ASAP2: variants seen among roughly 807,000 people sequenced by gnomAD.
The protein encoded by ASAP2 is arf-GAP with SH3 domain, ANK repeat and PH domain-containing protein 2.
Under a neutral mutation model 131.4 loss-of-function variants are expected in ASAP2, and 45 were observed. That is an observed-to-expected ratio of 0.34 (90% CI 0.27 to 0.44). ASAP2 has a LOEUF of 0.44. Among genes scored for constraint, ASAP2 ranks in the 20% least tolerant of loss-of-function variants. The pLI, the probability that ASAP2 is intolerant of heterozygous loss-of-function variation, is 1.00. For synonymous variants in ASAP2, 510 were observed against 503.0 expected (o/e 1.01, Z -0.19); for missense variants, 1,011 against 1,297.0 (o/e 0.78, Z 3.39).
At chr2:9,306,411 ACTTT>A (rs1668945712) in intron 3 of ASAP2, among the ~76,000 whole-genome samples, 1 of 151,852 alleles carries the variant, frequency 6.6e-6, no homozygotes, top group South Asian at 2.1e-4. Context: ...CGTTTCCCAG[ACTTT>A]CTTAAAGGCA....
rs75701656 is a variant in ASAP2 at position 9,388,520 on chromosome 2, C to G, written c.2357C>G (p.Pro786Arg). Reference protein sequence around the residue: ...PAAPSTTSAPPLPPRNVGKVQ... With the variant: ...PAAPSTTSAPRLPPRNVGKVQ... Reference sequence around the variant, plus strand: ...GCCCCCAGCACCACCAGCGCCCCCCCGCTTCCTCCACGGAATGTTGGCAAA... The same window carrying G: ...GCCCCCAGCACCACCAGCGCCCCCCGGCTTCCTCCACGGAATGTTGGCAAA... The change falls in exon 22 of 28, where the codon CCG becomes CGG. Residue 786 changes from proline to arginine, a missense_variant. Pro to Arg is a moderately radical substitution (Grantham distance 103). Around this residue, in one of 2 missense-constraint regions of ASAP2, gnomAD observed 652 missense variants for 698.9 expected, o/e 0.93. Transcript: ENST00000281419. 31 of 1,613,324 alleles carry G rather than the reference C, an allele frequency of 1.9e-5. No individual in the cohort carries two copies. Among genetic ancestry groups the G allele is most frequent in the African/African-American group, 2.7e-5 (2 of 74,906 alleles).
At chr2:9,254,229 A>T (rs1456134822) in intron 1 of ASAP2, among the ~76,000 whole-genome samples, 1 of 106,018 alleles carries the variant, frequency 9.4e-6, no homozygotes, top group Non-Finnish European at 1.9e-5. Context: ...AAAAAAAAAA[A>T]AAAAAAAATA....
chr2:9,225,904 T>C (rs1157371113), intron 1 of ASAP2, among the ~76,000 whole-genome samples: 4 of 152,226 alleles, frequency 2.6e-5, no homozygotes, highest in Non-Finnish European at 5.9e-5. Context: ...CAGGCCGGCC[T>C]TCCCCCTTCC....
chr2:9,331,440 A>G (rs996218010), intron 7 of ASAP2, among the ~76,000 whole-genome samples: 3 of 152,196 alleles, frequency 2.0e-5, no homozygotes, highest in Non-Finnish European at 4.4e-5. Context: ...AGCGGAATCT[A>G]GAAGTAGGGC....
chr2:9,265,772 TTATG>T (rs918372447), intron 1 of ASAP2, among the ~76,000 whole-genome samples: 1 of 152,104 alleles, frequency 6.6e-6, no homozygotes, highest in Middle Eastern at 3.2e-3. Flanking sequence ...TGATTTTCAT[TTATG>T]TATTTATTTT....
At chr2:9,365,771 T>G (rs986977320) in intron 15 of ASAP2, among the ~76,000 whole-genome samples, 1 of 152,224 alleles carries the variant, frequency 6.6e-6, no homozygotes. Flanking sequence ...GGGCTTCTTA[T>G]TGACTCATCG....
intron 16 of ASAP2, among the ~76,000 whole-genome samples, chr2:9,368,820 T>C (rs546290296): frequency 6.6e-6 from 1 of 152,236 alleles, no homozygotes; most frequent in African/African-American, 2.4e-5. Context: ...CTGTGCTGTC[T>C]GTTCTGTTGA....
chr2:9,380,963 G>A (rs1212258688), intron 20 of ASAP2, among the ~76,000 whole-genome samples, 155 bp downstream of exon 20: 2 of 152,162 alleles, frequency 1.3e-5, no homozygotes, highest in African/African-American at 4.8e-5. Flanking sequence ...CCTTGGAGAA[G>A]GTATGCTAGG....
intron 3 of ASAP2, among the ~76,000 whole-genome samples, chr2:9,313,247 G>A (rs1031136580): frequency 3.3e-5 from 5 of 152,104 alleles, no homozygotes; most frequent in African/African-American, 1.2e-4. Context: ...TTTTGCTGTA[G>A]GTCCCAAAGC....
At chr2:9,367,776 GTTAAT>G (rs1358975066) in intron 15 of ASAP2, among the ~76,000 whole-genome samples, 1 of 152,174 alleles carries the variant, frequency 6.6e-6, no homozygotes, top group Non-Finnish European at 1.5e-5. Context: ...AAAAGAATGT[GTTAAT>G]TTAATGTTTA....
chr2:9,208,109 G>A (rs2147914656), intron 1 of ASAP2, among the ~76,000 whole-genome samples: 1 of 152,308 alleles, frequency 6.6e-6, no homozygotes, highest in South Asian at 2.1e-4. Flanking sequence ...ATCCTCACCT[G>A]CAGTCCTCCT....
intron 6 of ASAP2, among the ~76,000 whole-genome samples, chr2:9,326,280 A>T (rs1320139459): frequency 6.6e-6 from 1 of 152,140 alleles, no homozygotes; most frequent in African/African-American, 2.4e-5. Flanking sequence ...GTTTCCCCAA[A>T]CTGAAGTTCT....
At chr2:9,313,592 C>T (rs1409987007) in intron 3 of ASAP2, among the ~76,000 whole-genome samples, 1 of 152,244 alleles carries the variant, frequency 6.6e-6, no homozygotes, top group Non-Finnish European at 1.5e-5. Flanking sequence ...CTCTAATCCT[C>T]CCTGTAGGCT....
chr2:9,309,109 G>A (rs1669130689), intron 3 of ASAP2, among the ~76,000 whole-genome samples: 1 of 152,088 alleles, frequency 6.6e-6, no homozygotes, highest in Non-Finnish European at 1.5e-5. Context: ...TCTGCTCCAA[G>A]ACCACCTTAT....
chr2:9,212,673 G>T (rs1000437134), intron 1 of ASAP2, among the ~76,000 whole-genome samples: 1 of 152,032 alleles, frequency 6.6e-6, no homozygotes, highest in Admixed American at 6.6e-5. Flanking sequence ...TTCCAGGCCC[G>T]CACTGTCTGA....
chr2:9,221,943 G>A (rs943390434), intron 1 of ASAP2, among the ~76,000 whole-genome samples: 5 of 151,416 alleles, frequency 3.3e-5, no homozygotes, highest in East Asian at 1.9e-4. Context: ...ACAGGTGCCC[G>A]CCACCACGCC....
At chr2:9,261,415 G>A (rs567393749) in intron 1 of ASAP2, among the ~76,000 whole-genome samples, 1 of 152,300 alleles carries the variant, frequency 6.6e-6, no homozygotes, top group East Asian at 1.9e-4. Flanking sequence ...CTTTAAGCTG[G>A]GGAAAGAGGT....
At position 9,405,240 on chromosome 2, in the gene ASAP2, C is replaced by G. The variant is rs143466595; in HGVS notation, c.*1913C>G. On this transcript the variant is annotated 3_prime_UTR_variant, in exon 28 of 28. Coordinates refer to ENST00000281419, the MANE Select transcript of ASAP2 (RefSeq NM_003887.3). ...AGGAGAAATTATATTAACGACCCTG[C>G]TAATATCCTTTCTTAGTTATTTGCT... The G allele has an allele frequency of 3.9e-5, 6 of 152,324 alleles. No homozygotes were observed. The highest frequency in any genetic ancestry group is 3.9e-4 in the Admixed American group (6 of 15,304). The allele number at this position is 152,324 out of a possible 1,614,324, so 9.4% of individuals were successfully genotyped here.
At chr2:9,385,066 T>C (rs1006761663) in intron 20 of ASAP2, among the ~76,000 whole-genome samples, 179 bp from the exon 21 acceptor site, 2 of 152,234 alleles carry the variant, frequency 1.3e-5, no homozygotes, top group African/African-American at 4.8e-5. Flanking sequence ...ATACCAGCTT[T>C]GAGTTTCAAG....
Sources: allele counts gnomAD v4.1 joint callset (sites outside exome capture counted in the v4.1 genomes callset), GRCh38; gene constraint gnomAD v4.1.1; regional missense constraint gnomAD v4.1.1; transcripts MANE v1.5; gene names NCBI Gene and HGNC (gene_info 2026-07-23, HGNC 2026-07-21).